The following SLC16A2 variants were observed in gnomAD, a reference collection of about 807,000 sequenced individuals.
SLC16A2 encodes the protein monocarboxylate transporter 8.
A neutral mutation model predicts 27.2 loss-of-function variants in SLC16A2; 3 were observed. That is an observed-to-expected ratio of 0.11 (90% confidence interval 0.05 to 0.28). The LOEUF is 0.28. Among genes scored for constraint, SLC16A2 ranks in the 10% least tolerant of loss-of-function variants. SLC16A2 has a pLI of 1.00. For synonymous variants in SLC16A2, 202 were observed against 187.8 expected (o/e 1.08, Z -0.62); for missense variants, 295 against 458.5 (o/e 0.64, Z 3.26).
intron 1 of SLC16A2, among the ~76,000 whole-genome samples, chrX:74,430,055 T>C (rs1928506659): frequency 1.8e-5 from 2 of 112,359 alleles, no homozygotes. Flanking sequence ...CTAATAAGTA[T>C]AATAATAGTG....
intron 1 of SLC16A2, among the ~76,000 whole-genome samples, chrX:74,475,426 A>G (rs1392012272): frequency 5.6e-5 from 6 of 106,553 alleles, no homozygotes; most frequent in African/African-American, 1.7e-4. Context: ...CCCATTTTGT[A>G]GGTTGCCTGT....
At chrX:74,455,496 C>A (rs917138480) in intron 1 of SLC16A2, among the ~76,000 whole-genome samples, 1 of 111,135 alleles carries the variant, frequency 9.0e-6, no homozygotes, top group African/African-American at 3.3e-5. Context: ...GTAGGAAAGG[C>A]TTGCTGATGT....
At chrX:74,438,096 A>C (rs184954475) in intron 1 of SLC16A2, among the ~76,000 whole-genome samples, 18 of 112,516 alleles carry the variant, frequency 1.6e-4, no homozygotes, top group African/African-American at 5.2e-4. Context: ...AAGACCCCAA[A>C]GTTCAACTCT....
In SLC16A2 at chrX:74,531,954, G is replaced by A. The variant is rs1448526272; in HGVS notation, c.*401G>A. The A allele has an allele frequency of 9.3e-6, 2 of 215,897 alleles. No homozygotes were observed. The highest frequency in any genetic ancestry group is 1.7e-5 in the Non-Finnish European group (2 of 118,245). 17.8% of individuals were successfully genotyped at this position (215,897 alleles called of 1,213,427 possible). ...CCTAATAGGGTAGGCCCAAATCTCT[G>A]TTTGCTGAGGAGGTCATTGCCATCC... On this transcript the variant is annotated 3_prime_UTR_variant, in exon 6 of 6. Transcript: ENST00000587091.
At chrX:74,449,701 G>A (rs1037781456) in intron 1 of SLC16A2, among the ~76,000 whole-genome samples, 2 of 111,614 alleles carry the variant, frequency 1.8e-5, no homozygotes, top group East Asian at 2.8e-4. Context: ...ACTTCTCAGT[G>A]CATTGACTCC....
At chrX:74,493,889 C>T (rs986726754) in intron 1 of SLC16A2, among the ~76,000 whole-genome samples, 15 of 111,632 alleles carry the variant, frequency 1.3e-4, no homozygotes, top group South Asian at 3.8e-4. Flanking sequence ...CCATTCCCAT[C>T]CCCCCAGCCC....
chrX:74,462,086 C>T (rs1034865722), intron 1 of SLC16A2, among the ~76,000 whole-genome samples: 12 of 111,951 alleles, frequency 1.1e-4, no homozygotes, highest in African/African-American at 3.9e-4. Flanking sequence ...TGGCAGAAAC[C>T]CCACCTCTGT....
intron 4 of SLC16A2, among the ~76,000 whole-genome samples, chrX:74,527,807 T>C (rs1466160087): frequency 5.3e-5 from 6 of 112,335 alleles, no homozygotes; most frequent in Non-Finnish European, 9.4e-5. Flanking sequence ...ATAGGGTCCT[T>C]TGTGTTATAT....
intron 1 of SLC16A2, among the ~76,000 whole-genome samples, chrX:74,489,904 T>A (rs1929790201): frequency 9.4e-6 from 1 of 106,223 alleles, no homozygotes; most frequent in African/African-American, 3.4e-5. Context: ...TAGAGGGAAA[T>A]TAAAACAGAT....
At chrX:74,461,845 C>T (rs936285184) in intron 1 of SLC16A2, among the ~76,000 whole-genome samples, 3 of 111,578 alleles carry the variant, frequency 2.7e-5, no homozygotes, top group East Asian at 5.6e-4. Flanking sequence ...TACAACTCCT[C>T]CTAGGAGGAA....
At chrX:74,522,635 T>C (rs1037934042) in intron 2 of SLC16A2, among the ~76,000 whole-genome samples, 1 of 111,879 alleles carries the variant, frequency 8.9e-6, no homozygotes, top group African/African-American at 3.3e-5. Flanking sequence ...TAGCAACATA[T>C]GGATTCCATT....
At chrX:74,434,990 ATTTTTGTATTTTTT>A (rs1928598813) in intron 1 of SLC16A2, among the ~76,000 whole-genome samples, 1 of 90,584 alleles carries the variant, frequency 1.1e-5, no homozygotes, top group African/African-American at 4.7e-5. Flanking sequence ...TGCCCAGCTA[ATTTTTGTATTTTTT>A]TTTTTTTAGT....
At chrX:74,446,411 G>A (rs1223585936) in intron 1 of SLC16A2, among the ~76,000 whole-genome samples, 1 of 111,405 alleles carries the variant, frequency 9.0e-6, no homozygotes, top group Non-Finnish European at 1.9e-5. Context: ...GTTGAGCCCA[G>A]TAGTTTGAGA....
intron 1 of SLC16A2, among the ~76,000 whole-genome samples, chrX:74,482,999 A>G (rs2147856789): frequency 8.9e-6 from 1 of 111,881 alleles, no homozygotes; most frequent in Admixed American, 9.5e-5. Context: ...AGCCACCCTG[A>G]CTGACTCTTT....
intron 1 of SLC16A2, among the ~76,000 whole-genome samples, chrX:74,496,005 A>G (rs1221485626): frequency 1.8e-5 from 2 of 110,788 alleles, no homozygotes; most frequent in African/African-American, 6.6e-5. Context: ...TCATGGAACC[A>G]ACTGGCTCCT....
intron 1 of SLC16A2, among the ~76,000 whole-genome samples, chrX:74,487,910 C>T (rs975118416): frequency 1.8e-5 from 2 of 111,694 alleles, no homozygotes; most frequent in Non-Finnish European, 3.8e-5. Flanking sequence ...AATCAACATC[C>T]TTGTGTTTTA....
At chrX:74,511,345 C>T (rs765977021) in intron 1 of SLC16A2, among the ~76,000 whole-genome samples, 1 of 110,753 alleles carries the variant, frequency 9.0e-6, no homozygotes, top group Admixed American at 9.6e-5. Flanking sequence ...CCGTGCCCGG[C>T]TAATTTTTTG....
intron 1 of SLC16A2, among the ~76,000 whole-genome samples, chrX:74,500,181 C>T (rs1930006612): frequency 1.8e-5 from 2 of 110,669 alleles, no homozygotes; most frequent in Admixed American, 1.9e-4. Flanking sequence ...CTAAAACTGG[C>T]GTAAGGTCTG....
At chrX:74,476,536 G>C (rs1323642256) in intron 1 of SLC16A2, among the ~76,000 whole-genome samples, 3 of 111,815 alleles carry the variant, frequency 2.7e-5, no homozygotes, top group Non-Finnish European at 3.8e-5. Flanking sequence ...TGGTGAGAGA[G>C]GGCATCCCTG....
Sources: allele counts gnomAD v4.1 joint callset (sites outside exome capture counted in the v4.1 genomes callset), GRCh38; gene constraint gnomAD v4.1.1; transcripts MANE v1.5; gene names NCBI Gene and HGNC (gene_info 2026-07-23, HGNC 2026-07-21).